Variants in MTUS2 observed in about 807,000 individuals in gnomAD.
MTUS2 encodes microtubule-associated tumor suppressor candidate 2.
A neutral mutation model predicts 114.1 loss-of-function variants in MTUS2; 40 were observed. That is an observed-to-expected ratio of 0.35 (90% CI 0.27 to 0.46). The LOEUF (loss-of-function observed/expected upper bound fraction) is 0.46. MTUS2 is among the 20% of genes least tolerant of loss of function. MTUS2 has a pLI of 1.00. For synonymous variants in MTUS2, 688 were observed against 672.0 expected, an observed-to-expected ratio of 1.02 and a Z score of -0.37; for missense variants, 1,679 against 1,705.4, an observed-to-expected ratio of 0.98 and a Z score of 0.27.
At chr13:29,296,232 A>G (rs1898936958) in intron 6 of MTUS2, among the ~76,000 whole-genome samples, 1 of 150,806 alleles carries the variant, frequency 6.6e-6, no homozygotes, top group Non-Finnish European at 1.5e-5. Context: ...TTTGTTTGTG[A>G]GACAGGGTCT....
chr13:28,939,150 C>T (rs1251324123), intron 2 of MTUS2, among the ~76,000 whole-genome samples: 1 of 152,156 alleles, frequency 6.6e-6, no homozygotes, highest in Non-Finnish European at 1.5e-5. Flanking sequence ...TTGAGCTTTC[C>T]TAGTTCTTAA....
At chr13:28,897,980 A>G (rs137947792) in intron 2 of MTUS2, among the ~76,000 whole-genome samples, 46 of 152,192 alleles carry the variant, frequency 3.0e-4, no homozygotes, top group African/African-American at 9.2e-4. Flanking sequence ...CAGCACACCA[A>G]CACGGCACAT....
chr13:28,947,269 C>T (rs1284031378), intron 2 of MTUS2, among the ~76,000 whole-genome samples: 1 of 152,010 alleles, frequency 6.6e-6, no homozygotes, highest in Non-Finnish European at 1.5e-5. Flanking sequence ...GGGATGCTTT[C>T]AAAGGTCTGG....
chr13:29,211,424 T>G (rs1187483902), intron 5 of MTUS2, among the ~76,000 whole-genome samples: 2 of 152,298 alleles, frequency 1.3e-5, no homozygotes, highest in African/African-American at 4.8e-5. Context: ...CTGCAGCAGC[T>G]TCTGTGCGCC....
chr13:29,492,867 T>C (rs1034490224), intron 12 of MTUS2, 148 bp downstream of exon 12: 1 of 655,658 alleles, frequency 1.5e-6, no homozygotes, highest in Admixed American at 2.8e-5. Context: ...CTCGCTACTC[T>C]TAAGAAATGT....
chr13:29,457,803 A>AT (rs1879225988), intron 9 of MTUS2, among the ~76,000 whole-genome samples: 1 of 151,988 alleles, frequency 6.6e-6, no homozygotes, highest in South Asian at 2.1e-4. Flanking sequence ...TCTTGCCAAC[A>AT]TTTGTCAGTA....
chr13:28,890,068 G>A (rs1878826362), intron 2 of MTUS2, among the ~76,000 whole-genome samples: 1 of 152,156 alleles, frequency 6.6e-6, no homozygotes, highest in South Asian at 2.1e-4. Context: ...GTGCAGTGTT[G>A]TCCCTGGAAC....
intron 9 of MTUS2, among the ~76,000 whole-genome samples, chr13:29,463,970 G>A (rs918098453): frequency 6.6e-6 from 1 of 152,066 alleles, no homozygotes; most frequent in African/African-American, 2.4e-5. Context: ...CTCCAGCATG[G>A]GTGACAGATG....
At chr13:29,354,240 A>ATTTTTTTTTT (rs5802516) in intron 7 of MTUS2, among the ~76,000 whole-genome samples, 4 of 120,382 alleles carry the variant, frequency 3.3e-5, no homozygotes, top group African/African-American at 1.3e-4. Context: ...TATTTTGGGC[A>ATTTTTTTTTT]TTTTTTTTTT....
intron 7 of MTUS2, among the ~76,000 whole-genome samples, chr13:29,325,558 GGAAGAA>G (rs200961450): frequency 0.62 from 89,969 of 144,684 alleles, 28,237 homozygotes; most frequent in East Asian, 0.77. Context: ...AGGAAGAAGA[GGAAGAA>G]GAAGAAGAGG....
At chr13:28,905,063 A>G (rs1306661680) in intron 2 of MTUS2, among the ~76,000 whole-genome samples, 3 of 150,918 alleles carry the variant, frequency 2.0e-5, no homozygotes, top group South Asian at 2.1e-4. Context: ...TTTGCCTGTT[A>G]TTGGTTTATA....
At chr13:29,491,915 ATGTGATG>A (rs1882148020) in intron 11 of MTUS2, among the ~76,000 whole-genome samples, 1 of 95,450 alleles carries the variant, frequency 1.0e-5, no homozygotes, top group Admixed American at 1.2e-4. Flanking sequence ...TAGTGTGTGT[ATGTGATG>A]TGTGTGTGGT....
chr13:29,129,657 A>G (rs1891672762), intron 5 of MTUS2, among the ~76,000 whole-genome samples: 1 of 152,174 alleles, frequency 6.6e-6, no homozygotes, highest in African/African-American at 2.4e-5. Flanking sequence ...AATCAGTTCT[A>G]AAGATGACTT....
chr13:29,177,781 C>G (rs190844152), intron 5 of MTUS2, among the ~76,000 whole-genome samples: 4 of 152,262 alleles, frequency 2.6e-5, no homozygotes, highest in Admixed American at 1.3e-4. Flanking sequence ...TGGTACAGGA[C>G]TGCCTATAGT....
chr13:28,974,925 G>C (rs1884020556), intron 2 of MTUS2, among the ~76,000 whole-genome samples: 1 of 152,172 alleles, frequency 6.6e-6, no homozygotes, highest in Non-Finnish European at 1.5e-5. Context: ...TGTATACAAA[G>C]AAAATATGCA....
chr13:28,851,267 C>G (rs1876247662), intron 2 of MTUS2, among the ~76,000 whole-genome samples: 1 of 152,138 alleles, frequency 6.6e-6, no homozygotes, highest in African/African-American at 2.4e-5. Context: ...AAATGCAGGC[C>G]TGGTGATTCT....
At chr13:29,079,765 A>T (rs1270495446) in intron 4 of MTUS2, among the ~76,000 whole-genome samples, 1 of 152,168 alleles carries the variant, frequency 6.6e-6, no homozygotes, top group Non-Finnish European at 1.5e-5. Flanking sequence ...GTCTATCTTT[A>T]TGCTAGTACC....
chr13:29,312,005 T>C (rs776853348), intron 6 of MTUS2, among the ~76,000 whole-genome samples: 1 of 152,178 alleles, frequency 6.6e-6, no homozygotes, highest in Admixed American at 6.5e-5. Context: ...CCTGACCTGC[T>C]GTCCCTTCAC....
chr13:29,332,431 C>G (rs935805256), intron 7 of MTUS2, among the ~76,000 whole-genome samples: 1 of 151,890 alleles, frequency 6.6e-6, no homozygotes, highest in Non-Finnish European at 1.5e-5. Flanking sequence ...TTTATTGCGT[C>G]TATTTGATTC....
Sources: gnomAD v4.1 joint callset for allele counts (sites outside exome capture counted in the v4.1 genomes callset) on GRCh38, gnomAD v4.1.1 for gene constraint, MANE v1.5 for transcripts, NCBI Gene and HGNC (gene_info 2026-07-23, HGNC 2026-07-21) for gene names.